LTBP2: variants seen among roughly 807,000 people sequenced by gnomAD.
The protein encoded by LTBP2 is latent-transforming growth factor beta-binding protein 2.
LTBP2 carries 103 observed loss-of-function variants against 210.6 expected under a neutral mutation model. The ratio of observed to expected loss-of-function variants is 0.49; its 90% CI spans 0.42 to 0.58. The LOEUF (loss-of-function observed/expected upper bound fraction) is 0.58. LTBP2 is among the 20% of genes least tolerant of loss of function. The pLI, the probability that LTBP2 is intolerant of heterozygous loss-of-function variation, is 0.00. For synonymous variants in LTBP2, 1,007 were observed against 1,015.0 expected, an observed-to-expected ratio of 0.99 and a Z score of 0.15; for missense variants, 2,313 against 2,494.5, an observed-to-expected ratio of 0.93 and a Z score of 1.55.
chr14:74,585,512 TG>T lies in LTBP2; in HGVS notation c.830+341del, dbSNP rs2088191626. On this transcript the variant is annotated intron_variant, in intron 3 of 35. Coordinates refer to ENST00000261978, the MANE Select transcript of LTBP2 (RefSeq NM_000428.3). Reference sequence around the variant, plus strand: ...GGCACAGAGAGGTAAGTGACTCGCCTGGGGTGGCCCACCTGGGAAATGGCAA... The same window carrying T: ...GGCACAGAGAGGTAAGTGACTCGCCTGGGTGGCCCACCTGGGAAATGGCAA... Among the ~76,000 whole-genome samples, 4 of 152,210 alleles carry T rather than the reference TG, an allele frequency of 2.6e-5. No individual in the cohort carries two copies. In the South Asian group the frequency reaches 6.2e-4, roughly 24 times the overall value.
intron 8 of LTBP2, among the ~76,000 whole-genome samples, chr14:74,539,152 T>C (rs1000522318): frequency 1.9e-4 from 29 of 152,238 alleles, no homozygotes; most frequent in African/African-American, 7.0e-4. Context: ...GTCATGTCTG[T>C]TTCTCACAAC....
At position 74,611,637 on chromosome 14, in the gene LTBP2, G is replaced by C. The variant is rs758282961; in HGVS notation, c.308C>G (p.Ala103Gly). 3 of 1,558,930 alleles carry C rather than the reference G, an allele frequency of 1.9e-6. No individual in the cohort carries two copies. Among genetic ancestry groups the C allele is most frequent in the South Asian group, 2.3e-5 (2 of 86,388 alleles). Residue 103 changes from alanine to glycine, a missense_variant, in exon 1 of 36, where the codon GCC becomes GGC. Around this residue, in one of 3 missense-constraint regions of LTBP2, gnomAD observed 1,867 missense variants for 1,976.9 expected, o/e 0.94. Transcript: ENST00000261978. ...CTGCTGCGCGCGGGACGGCCTCCTG[G>C]CCTCCGCCTCGGTGGGCCTCCTGGG... ...GSPRRPTEAE[A>G]RRPSRAQQSR...
chr14:74,549,916 C>T lies in LTBP2; in HGVS notation c.1736G>A (p.Ser579Asn). 1 of 1,614,194 alleles carries T rather than the reference C, an allele frequency of 6.2e-7. No individual in the cohort carries two copies. The highest frequency in any genetic ancestry group is 8.5e-7 in the Non-Finnish European group (1 of 1,180,006). Residue 579 changes from serine to asparagine, a missense_variant, in exon 8 of 36, where the codon AGT (serine) becomes AAT (asparagine). By Grantham distance (46) the Ser-to-Asn change is conservative (BLOSUM62 1). Around this residue, in one of 3 missense-constraint regions of LTBP2, gnomAD observed 1,867 missense variants for 1,976.9 expected, o/e 0.94. Coordinates refer to ENST00000261978, the MANE Select transcript of LTBP2 (RefSeq NM_000428.3). ...ELTTQEDCCGSVGAFWGVTLC... is the reference protein window; with the variant it reads ...ELTTQEDCCGNVGAFWGVTLC... Reference sequence around the variant, plus strand: ...AGTCACCCCCCAGAAGGCTCCCACACTGCCACAGCAGTCCTCCTGGGTAGT... The same window carrying T: ...AGTCACCCCCCAGAAGGCTCCCACATTGCCACAGCAGTCCTCCTGGGTAGT...
At chr14:74,552,515 G>C in intron 5 of LTBP2, 122 bp from the exon 6 acceptor site, 1 of 878,150 alleles carries the variant, frequency 1.1e-6, no homozygotes, top group Non-Finnish European at 1.8e-6. Context: ...CTGTAGCCCG[G>C]AGCCCCCTGA....
intron 3 of LTBP2, among the ~76,000 whole-genome samples, chr14:74,558,856 G>C (rs534453226): frequency 1.3e-5 from 2 of 152,266 alleles, no homozygotes; most frequent in South Asian, 4.2e-4. Context: ...GCTGTACAGA[G>C]GGGAGGGGTT....
rs138258902 is a variant in LTBP2 at position 74,505,841 on chromosome 14, G to A, written c.4177+207C>T. Among the ~76,000 whole-genome samples, 613 of 152,180 alleles carry A rather than the reference G, an allele frequency of 4.0e-3. 6 individuals are homozygous for A. The highest frequency in any genetic ancestry group is 0.014 in the African/African-American group (581 of 41,510). On this transcript the variant is annotated intron_variant, in intron 28 of 35. Coordinates refer to ENST00000261978, the MANE Select transcript of LTBP2 (RefSeq NM_000428.3). ...TTCCTGAGCCTCCTCTAGGATCGTC[G>A]CCACCCTGTAGCTCCTGGTTTTGCT...
At position 74,509,381 on chromosome 14, in the gene LTBP2, T is replaced by TCGCC; in HGVS notation, c.3278-22_3278-19dup. The TCGCC allele has an allele frequency of 6.2e-7, 1 of 1,612,342 alleles. No individual in the cohort carries two copies. The highest frequency in any genetic ancestry group is 8.5e-7 in the Non-Finnish European group (1 of 1,179,568). ...ATCTAGGTCTGCAGACAGACAGCGC[T>TCGCC]CGCCCGGGGACCTAGGAGGGCTCCC... On this transcript the variant is annotated intron_variant, in intron 21 of 35. Transcript: ENST00000261978.
chr14:74,508,187 A>G, intron 24 of LTBP2, 92 bp from the exon 25 acceptor site: 3 of 1,466,700 alleles, frequency 2.0e-6, no homozygotes, highest in Non-Finnish European at 2.8e-6. Context: ...AGTAGCCCAT[A>G]GGAGAGTCAG....
chr14:74,529,166 G>T, intron 10 of LTBP2, 44 bp from the exon 11 acceptor site: 1 of 1,549,912 alleles, frequency 6.5e-7, no homozygotes, highest in Non-Finnish European at 8.7e-7. Flanking sequence ...TGGCCAGTGG[G>T]AGGGGAATGC....
chr14:74,567,121 C>T (rs966465458), intron 3 of LTBP2, among the ~76,000 whole-genome samples: 8 of 152,194 alleles, frequency 5.3e-5, no homozygotes, highest in East Asian at 1.9e-4. Context: ...ATGAGCTCTG[C>T]GTGTCGGGGT....
chr14:74,564,287 ATATATATATT>A (rs2087863696), intron 3 of LTBP2, among the ~76,000 whole-genome samples: 8 of 15,416 alleles, frequency 5.2e-4, no homozygotes, highest in Admixed American at 2.2e-3. Context: ...ATATATATTT[ATATATATATT>A]TATATATATT....
At chr14:74,503,657 C>T (rs1253456674) in intron 31 of LTBP2, 51 bp from the exon 32 acceptor site, 6 of 1,607,014 alleles carry the variant, frequency 3.7e-6, no homozygotes, top group Admixed American at 1.7e-5. Flanking sequence ...TTTCCACCAA[C>T]CACCCTCAGG....
At chr14:74,561,351 T>C (rs2087791660) in intron 3 of LTBP2, among the ~76,000 whole-genome samples, 1 of 152,158 alleles carries the variant, frequency 6.6e-6, no homozygotes, top group Non-Finnish European at 1.5e-5. Flanking sequence ...ATAGTTGTAA[T>C]TATCATTATG....
At chr14:74,601,631 AG>A (rs1245755643) in intron 2 of LTBP2, among the ~76,000 whole-genome samples, 1 of 152,192 alleles carries the variant, frequency 6.6e-6, no homozygotes, top group Non-Finnish European at 1.5e-5. Context: ...AAACAGGCAG[AG>A]GGTCAGGGCC....
intron 3 of LTBP2, among the ~76,000 whole-genome samples, chr14:74,574,786 G>C (rs12435192): frequency 0.05 from 7,572 of 152,260 alleles, 282 homozygotes; most frequent in Admixed American, 0.063. Context: ...ACTAAAAAAG[G>C]GAGTCACTAG....
At chr14:74,510,048 C>A in intron 20 of LTBP2, 43 bp downstream of exon 20, 5 of 1,613,734 alleles carry the variant, frequency 3.1e-6, no homozygotes, top group Non-Finnish European at 4.2e-6. Context: ...GAGCCACAAG[C>A]TGGATCGGCC....
At chr14:74,585,040 A>ACC (rs1365847595) in intron 3 of LTBP2, among the ~76,000 whole-genome samples, 1 of 152,180 alleles carries the variant, frequency 6.6e-6, no homozygotes, top group African/African-American at 2.4e-5. Context: ...GGAAAAACTA[A>ACC]CCTGAAAAAC....
Position 74,612,073 on chromosome 14 carries a change from GAAGC to G in LTBP2, c.-133_-130del. ...AGCTTCTCTGAGTCTAGGGGGCCCT[GAAGC>G]GGCCGACTGGGGGCCCGGCTCTCGG... is the stretch of plus-strand genomic sequence containing the variant. On this transcript the variant is annotated 5_prime_UTR_variant, in exon 1 of 36. Transcript: ENST00000261978. The G allele has an allele frequency of 2.9e-6, 3 of 1,045,048 alleles. No homozygotes were observed. Among genetic ancestry groups the G allele is most frequent in the Non-Finnish European group, 3.9e-6 (3 of 772,994 alleles). 64.7% of individuals were successfully genotyped at this position (1,045,048 alleles called of 1,614,324 possible). A position where few individuals can be genotyped will look rare whatever the true frequency, so the allele number is the denominator to read the frequency against.
At chr14:74,589,918 G>A (rs2088258610) in intron 2 of LTBP2, among the ~76,000 whole-genome samples, 1 of 152,150 alleles carries the variant, frequency 6.6e-6, no homozygotes, top group Non-Finnish European at 1.5e-5. Context: ...CTGAGTGTGT[G>A]GTCCTTGCCC....
Sources: allele counts gnomAD v4.1 joint callset (sites outside exome capture counted in the v4.1 genomes callset), GRCh38; gene constraint gnomAD v4.1.1; regional missense constraint gnomAD v4.1.1; transcripts MANE v1.5; gene names NCBI Gene and HGNC (gene_info 2026-07-23, HGNC 2026-07-21).